The following SLC35F4 variants were observed in gnomAD, a reference collection of about 807,000 sequenced individuals.
The protein encoded by SLC35F4 is solute carrier family 35 member F4.
A neutral mutation model predicts 44.2 loss-of-function variants in SLC35F4; 24 were observed. That is an observed-to-expected ratio of 0.54 (90% CI 0.39 to 0.76). The LOEUF is 0.76. Among genes scored for constraint, SLC35F4 ranks in the 30% least tolerant of loss-of-function variants. The pLI, the probability that SLC35F4 is intolerant of heterozygous loss-of-function variation, is 0.00. For missense variants in SLC35F4, 562 were observed against 586.1 expected (o/e 0.96, Z 0.42); for synonymous variants, 238 against 223.6 (o/e 1.06, Z -0.57).
intron 1 of SLC35F4, among the ~76,000 whole-genome samples, chr14:57,696,526 G>A (rs1012259712): frequency 6.6e-6 from 1 of 152,156 alleles, no homozygotes; most frequent in Non-Finnish European, 1.5e-5. Flanking sequence ...TCAAGATCTA[G>A]AACAAGAAAT....
At chr14:57,627,793 G>T (rs952799876) in intron 1 of SLC35F4, among the ~76,000 whole-genome samples, 2 of 152,138 alleles carry the variant, frequency 1.3e-5, no homozygotes, top group East Asian at 3.9e-4. Flanking sequence ...TTAAAAAAGA[G>T]AAATTTAATT....
intron 1 of SLC35F4, among the ~76,000 whole-genome samples, chr14:57,875,909 G>A (rs1306951951): frequency 6.6e-6 from 1 of 152,206 alleles, no homozygotes; most frequent in Non-Finnish European, 1.5e-5. Flanking sequence ...TGATGAGAAT[G>A]TCCTTTCTGC....
At chr14:57,582,613 T>A (rs886978996) in intron 3 of SLC35F4, among the ~76,000 whole-genome samples, 3 of 152,340 alleles carry the variant, frequency 2.0e-5, no homozygotes, top group Non-Finnish European at 4.4e-5. Context: ...GACTTACCAC[T>A]GGGAGAATTT....
At chr14:57,725,078 T>G (rs755418101) in intron 1 of SLC35F4, among the ~76,000 whole-genome samples, 23 of 152,166 alleles carry the variant, frequency 1.5e-4, no homozygotes, top group Non-Finnish European at 2.9e-4. Context: ...GGATCCCAAG[T>G]GAGTGCTCAC....
At chr14:57,683,481 T>C (rs1031439372) in intron 1 of SLC35F4, among the ~76,000 whole-genome samples, 2 of 152,166 alleles carry the variant, frequency 1.3e-5, no homozygotes, top group Non-Finnish European at 2.9e-5. Flanking sequence ...ATAGCAGCTC[T>C]GGAATCGTCA....
intron 1 of SLC35F4, among the ~76,000 whole-genome samples, chr14:57,797,644 G>A (rs2078085608): frequency 6.6e-6 from 1 of 152,098 alleles, no homozygotes; most frequent in African/African-American, 2.4e-5. Context: ...AGGAAGAAGG[G>A]TCCATGATGA....
chr14:57,849,272 C>A (rs997132523), intron 1 of SLC35F4, among the ~76,000 whole-genome samples: 2 of 152,244 alleles, frequency 1.3e-5, no homozygotes, highest in Non-Finnish European at 2.9e-5. Flanking sequence ...AGCGATCCTG[C>A]TGCCTCAGCC....
At chr14:57,603,502 C>T (rs1051572355) in intron 1 of SLC35F4, among the ~76,000 whole-genome samples, 1 of 152,188 alleles carries the variant, frequency 6.6e-6, no homozygotes, top group Non-Finnish European at 1.5e-5. Flanking sequence ...ATTCTGCTTG[C>T]TCTTGGCAAT....
At chr14:57,708,474 A>G (rs1228750964) in intron 1 of SLC35F4, among the ~76,000 whole-genome samples, 1 of 152,236 alleles carries the variant, frequency 6.6e-6, no homozygotes, top group Non-Finnish European at 1.5e-5. Context: ...ATGTCTAGGT[A>G]GCAGACAAGG....
At chr14:57,778,613 A>G (rs2077547457) in intron 1 of SLC35F4, among the ~76,000 whole-genome samples, 1 of 152,156 alleles carries the variant, frequency 6.6e-6, no homozygotes, top group South Asian at 2.1e-4. Flanking sequence ...TCGACACTGG[A>G]CCAAATGGAC....
At chr14:57,774,852 G>A (rs2077450054) in intron 1 of SLC35F4, among the ~76,000 whole-genome samples, 1 of 152,200 alleles carries the variant, frequency 6.6e-6, no homozygotes, top group Non-Finnish European at 1.5e-5. Flanking sequence ...GTGTGTGCCA[G>A]CAGATCTTGC....
At chr14:57,873,722 T>A (rs1427134062) in intron 1 of SLC35F4, among the ~76,000 whole-genome samples, 1 of 150,064 alleles carries the variant, frequency 6.7e-6, no homozygotes, top group East Asian at 2.1e-4. Context: ...AATTTGCTAA[T>A]ATTAAAGTGA....
At chr14:57,581,530 A>G in intron 3 of SLC35F4, 97 bp from the exon 4 acceptor site, 1 of 1,019,300 alleles carries the variant, frequency 9.8e-7, no homozygotes, top group South Asian at 1.6e-5. Flanking sequence ...GAGCACAAAC[A>G]CTCAATACCC....
intron 1 of SLC35F4, among the ~76,000 whole-genome samples, chr14:57,920,192 G>T (rs898790545): frequency 6.6e-6 from 1 of 152,176 alleles, no homozygotes; most frequent in African/African-American, 2.4e-5. Context: ...TTACAGTGCT[G>T]CCAGTGGGTT....
chr14:57,587,586 C>T (rs1180717457), intron 3 of SLC35F4, among the ~76,000 whole-genome samples: 2 of 152,110 alleles, frequency 1.3e-5, no homozygotes, highest in African/African-American at 4.8e-5. Flanking sequence ...CACATGGACA[C>T]AGGGAGGGGA....
At chr14:57,668,408 G>A (rs1023513228) in intron 1 of SLC35F4, among the ~76,000 whole-genome samples, 3 of 151,660 alleles carry the variant, frequency 2.0e-5, no homozygotes, top group Non-Finnish European at 4.4e-5. Flanking sequence ...CCTTGCCCAT[G>A]CCTATGTCCT....
In SLC35F4 at chr14:57,723,249, T is replaced by C. The variant is rs573962685; in HGVS notation, c.104-129125A>G. On this transcript the variant is annotated intron_variant, in intron 1 of 7. Transcript: ENST00000556826. The stretch of plus-strand genomic sequence containing the variant: ...CCAGAATGCATAATTGGCATAGACA[T>C]ACTTAGCAGCTGGCAGAACCCCCAC... 1.6e-3 allele frequency among the ~76,000 whole-genome samples: 92 copies of C among 55,860 alleles called. 1 individual carries two copies. Among genetic ancestry groups the C allele is most frequent in the Admixed American group, 0.012 (77 of 6,232 alleles). 36.6% of individuals were successfully genotyped at this position (55,860 alleles called of 152,430 possible).
intron 1 of SLC35F4, among the ~76,000 whole-genome samples, chr14:57,755,304 T>G (rs1177894146): frequency 6.6e-6 from 1 of 152,094 alleles, no homozygotes; most frequent in Non-Finnish European, 1.5e-5. Flanking sequence ...GCAGGGTGAA[T>G]CTGAGAACCC....
intron 1 of SLC35F4, among the ~76,000 whole-genome samples, chr14:57,906,808 T>C (rs915919685): frequency 2.6e-5 from 4 of 152,348 alleles, no homozygotes; most frequent in South Asian, 2.1e-4. Context: ...GGTCATTACA[T>C]TGCAGGGTAA....
Sources: allele counts gnomAD v4.1 joint callset (sites outside exome capture counted in the v4.1 genomes callset), GRCh38; gene constraint gnomAD v4.1.1; transcripts MANE v1.5; gene names NCBI Gene and HGNC (gene_info 2026-07-23, HGNC 2026-07-21).